DYNC1H1: variants seen among roughly 807,000 people sequenced by gnomAD.
The protein encoded by DYNC1H1 is dynein cytoplasmic 1 heavy chain 1, also known as cytoplasmic dynein 1 heavy chain 1.
In DYNC1H1, 51 loss-of-function variants were observed where a neutral mutation model predicts 527.1. That is an observed-to-expected ratio of 0.10 (90% CI 0.08 to 0.12). DYNC1H1 has a LOEUF of 0.12. Among genes scored for constraint, DYNC1H1 ranks in the 10% least tolerant of loss-of-function variants. The pLI is 1.00. For synonymous variants in DYNC1H1, 2,189 were observed against 2,278.8 expected, an observed-to-expected ratio of 0.96 and a Z score of 1.12; for missense variants, 2,771 against 5,971.8, an observed-to-expected ratio of 0.46 and a Z score of 17.66.
chr14:102,006,981 A>G, intron 27 of DYNC1H1, 27 bp from the exon 28 acceptor site: 2 of 1,608,836 alleles, frequency 1.2e-6, no homozygotes, highest in South Asian at 2.2e-5. Flanking sequence ...AATGGACTCA[A>G]GCACTCTGTT....
chr14:102,040,809 C>G, intron 64 of DYNC1H1, 136 bp downstream of exon 64: 1 of 1,084,684 alleles, frequency 9.2e-7, no homozygotes, highest in Non-Finnish European at 1.4e-6. Flanking sequence ...AAAATAAAAC[C>G]TTAGCCAGGC....
At position 102,027,560 on chromosome 14, in the gene DYNC1H1, G is replaced by A. The variant is rs1287980587; in HGVS notation, c.9048+16G>A. ...CAATGGAGAGGTAATTAGGTGACGT[G>A]TTGCGTTGCATTACGTGTTACCGGG... On this transcript the variant is annotated intron_variant, in intron 46 of 77. Coordinates refer to ENST00000360184, the MANE Select transcript of DYNC1H1 (RefSeq NM_001376.5). The surrounding 1 kb of genome is among the most constrained non-coding windows in gnomAD (Gnocchi z 7.7). The A allele has an allele frequency of 6.2e-7, 1 of 1,614,206 alleles. No homozygotes were observed. Among genetic ancestry groups the A allele is most frequent in the Non-Finnish European group, 8.5e-7 (1 of 1,180,026 alleles).
chr14:101,976,539 T>A (rs7160001), intron 2 of DYNC1H1, among the ~76,000 whole-genome samples: 23,705 of 150,244 alleles, frequency 0.16, 2,208 homozygotes, highest in African/African-American at 0.25. Flanking sequence ...CGAAACTCTG[T>A]CTCAAAAAAG....
chr14:102,042,347 C>A lies in DYNC1H1; in HGVS notation c.12276-37C>A, dbSNP rs762613552. The A allele has an allele frequency of 5.6e-6, 9 of 1,614,032 alleles. No individual in the cohort carries two copies. Among genetic ancestry groups the A allele is most frequent in the South Asian group, 1.1e-5 (1 of 91,080 alleles). On this transcript the variant is annotated intron_variant, in intron 67 of 77. Coordinates refer to ENST00000360184, the MANE Select transcript of DYNC1H1 (RefSeq NM_001376.5). The surrounding 1 kb of genome is among the most constrained non-coding windows in gnomAD (Gnocchi z 5.7). ...AGTCCCCAGGCATTCAGGCAGGCAG[C>A]CTGGCATGCTGTGTGACTCTCACTT... is the stretch of plus-strand genomic sequence containing the variant.
chr14:102,028,075 G>A lies in DYNC1H1; in HGVS notation c.9402G>A (p.Pro3134=), dbSNP rs145095254. Residue 3134 remains proline, a synonymous_variant, in exon 48 of 78, where the codon CCG becomes CCA. Coordinates refer to ENST00000360184, the MANE Select transcript of DYNC1H1 (RefSeq NM_001376.5). ...TGCCAGTTGTGTATGATAAGCTGCC[G>A]CAGCCACCATCCCATCGGGAAGCCA... ...DYMPVVYDKL[P]QPPSHREAIV... 4.4e-5 allele frequency: 71 copies of A among 1,614,172 alleles called. 1 individual carries two copies. In the African/African-American group the frequency reaches 6.3e-4, roughly 14 times the overall value.
chr14:102,034,244 G>A, intron 55 of DYNC1H1, 56 bp downstream of exon 55: 3 of 1,614,202 alleles, frequency 1.9e-6, no homozygotes, highest in Non-Finnish European at 2.5e-6. Context: ...GCAAGCTGGT[G>A]TTTAGTGCAC....
Position 102,036,296 on chromosome 14 carries a change from T to G in DYNC1H1, c.10755-193T>G, listed in dbSNP as rs1820846995. 2 of 635,426 alleles carry G rather than the reference T, an allele frequency of 3.1e-6. No individual in the cohort carries two copies. The highest frequency in any genetic ancestry group is 3.5e-5 in the South Asian group (2 of 56,822). The allele number at this position is 635,426 out of a possible 1,614,324, so 39.4% of individuals were successfully genotyped here. A position where few individuals can be genotyped will look rare whatever the true frequency, so the allele number is the denominator to read the frequency against. On this transcript the variant is annotated intron_variant, in intron 56 of 77. Coordinates refer to ENST00000360184, the MANE Select transcript of DYNC1H1 (RefSeq NM_001376.5). This position sits in a 1 kb window ranked among gnomAD's most constrained non-coding sequence, Gnocchi z 5.6. Reference sequence around the variant, plus strand: ...GCTACCTCCTCATGCCAATAGTTGTTCAAAAGGATGAGGTGATGTTAGCAT... The same window carrying G: ...GCTACCTCCTCATGCCAATAGTTGTGCAAAAGGATGAGGTGATGTTAGCAT...
At chr14:101,971,920 T>G (rs749447705) in intron 1 of DYNC1H1, among the ~76,000 whole-genome samples, 1 of 152,186 alleles carries the variant, frequency 6.6e-6, no homozygotes, top group Admixed American at 6.5e-5. Flanking sequence ...GTTGTTGTAA[T>G]GTGTGTCAGT....
rs1481406439 is a variant in DYNC1H1 at position 102,049,145 on chromosome 14, G to A, written c.13373-295G>A. 4.1e-6 allele frequency: 2 copies of A among 486,964 alleles called. No homozygotes were observed. The highest frequency in any genetic ancestry group is 7.5e-6 in the Non-Finnish European group (2 of 265,436). The allele number at this position is 486,964 out of a possible 1,614,324, so 30.2% of individuals were successfully genotyped here. On this transcript the variant is annotated intron_variant, in intron 74 of 77. Coordinates refer to ENST00000360184, the MANE Select transcript of DYNC1H1 (RefSeq NM_001376.5). The surrounding 1 kb of genome is among the most constrained non-coding windows in gnomAD (Gnocchi z 5.5). The stretch of plus-strand genomic sequence containing the variant: ...ACACTGAGCCACTTGTGTGACATGA[G>A]GTTTTAGCCGCGGTTTTGCTTGGAT...
rs538736432 is a variant in DYNC1H1, at chr14:101,994,189, T to C, written c.3021T>C (p.Gly1007=). The C allele has an allele frequency of 1.9e-6, 3 of 1,614,240 alleles. No individual in the cohort carries two copies. The highest frequency in any genetic ancestry group is 2.2e-5 in the East Asian group (1 of 44,888). The change falls in exon 12 of 78, where the codon GGT becomes GGC. Residue 1007 remains glycine, a synonymous_variant. Transcript: ENST00000360184. ...TTTCGGCTTTGGTTGGCTAGGTGGG[T>C]GTACATTACGAATTGACTGAGGAAG... The part of the protein sequence containing the change: ...PRIQSQRYQV[G]VHYELTEEEK...
rs1381034789 is a variant in DYNC1H1 at position 101,983,452 on chromosome 14, GA to G, written c.1305del (p.Asp436ThrfsTer11). The G allele has an allele frequency of 6.2e-7, 1 of 1,614,026 alleles. No individual in the cohort carries two copies. The highest frequency in any genetic ancestry group is 8.5e-7 in the Non-Finnish European group (1 of 1,180,040). On this transcript the variant is annotated frameshift_variant, in exon 7 of 78. Transcript: ENST00000360184. LOFTEE classifies it high-confidence loss of function. This position sits in a 1 kb window ranked among gnomAD's most constrained non-coding sequence, Gnocchi z 5.3. The stretch of plus-strand genomic sequence containing the variant: ...TATGAGAAACTTCAGGTATTGTTGA[GA>G]GACATCGTCAAAAGAAAAAGGGAAG... ...DEYEKLQVLL[R>X]DIVKRKREEN...
In DYNC1H1 at chr14:102,015,796, A is replaced by G; in HGVS notation, c.7243-60A>G. The G allele has an allele frequency of 4.4e-6, 7 of 1,576,884 alleles. No homozygotes were observed. The Middle Eastern group carries it at 6.7e-4, about 150-fold the overall frequency. ...GACCTTCTCCTGGGACCAGGTTAGA[A>G]TCGATGAAACTCGCCTGCCTTTTGA... On this transcript the variant is annotated intron_variant, in intron 35 of 77. Coordinates refer to ENST00000360184, the MANE Select transcript of DYNC1H1 (RefSeq NM_001376.5). This position sits in a 1 kb window ranked among gnomAD's most constrained non-coding sequence, Gnocchi z 6.9.
rs17512124 is a variant in DYNC1H1, at chr14:101,989,568, G to A, written c.2868+716G>A. 5.5e-3 allele frequency among the ~76,000 whole-genome samples: 837 copies of A among 152,316 alleles called. 16 individuals carry two copies. The highest frequency in any genetic ancestry group is 0.037 in the East Asian group (190 of 5,196). ...TACAGTAAGTGTTTATAGTATTTGT[G>A]TTATATTTACCAATAAAAAGGACTC... On this transcript the variant is annotated intron_variant, in intron 10 of 77. Transcript: ENST00000360184.
chr14:101,969,167 G>A (rs917858145), intron 1 of DYNC1H1, among the ~76,000 whole-genome samples: 12 of 150,606 alleles, frequency 8.0e-5, no homozygotes, highest in African/African-American at 2.7e-4. Context: ...ACAGGCGCCT[G>A]CCACCACACC....
rs557821714 is a variant in DYNC1H1 at position 101,966,367 on chromosome 14, T to C, written c.256+1420T>C. Reference sequence around the variant, plus strand: ...TAATGTTTTTGAGGGTTGTTTACTGTGATGTTTGGGATTATGTATTCCTAA... The same window carrying C: ...TAATGTTTTTGAGGGTTGTTTACTGCGATGTTTGGGATTATGTATTCCTAA... On this transcript the variant is annotated intron_variant, in intron 1 of 77. Coordinates refer to ENST00000360184, the MANE Select transcript of DYNC1H1 (RefSeq NM_001376.5). Among the ~76,000 whole-genome samples, 17 of 151,998 alleles carry C rather than the reference T, an allele frequency of 1.1e-4. No individual in the cohort carries two copies. In the South Asian group the frequency reaches 3.1e-3, roughly 28 times the overall value.
rs2048753799 is a variant in DYNC1H1, at chr14:102,048,210, G to A, written c.13218+182G>A. 3.7e-6 allele frequency: 3 copies of A among 807,710 alleles called. No individual in the cohort carries two copies. The South Asian group carries it at 5.2e-5, about 14-fold the overall frequency. The allele number at this position is 807,710 out of a possible 1,614,324, so 50.0% of individuals were successfully genotyped here. On this transcript the variant is annotated intron_variant, in intron 73 of 77. Coordinates refer to ENST00000360184, the MANE Select transcript of DYNC1H1 (RefSeq NM_001376.5). ...TTGGGCAAGATGAGTTGGCCCTTTT[G>A]AAATGGACTGAAAACACCCTAGAAG...
rs148565785 is a variant in DYNC1H1 at position 101,999,143 on chromosome 14, A to G, written c.3805-846A>G. Among the ~76,000 whole-genome samples, 791 of 151,638 alleles carry G rather than the reference A, an allele frequency of 5.2e-3. 4 individuals are homozygous for G. Among genetic ancestry groups the G allele is most frequent in the Non-Finnish European group, 7.5e-3 (506 of 67,918 alleles). ...ATGATCTGCCCACCTTGGCCTCCCAAAGTGCTGGGATTATAGGCGTGAGCC... is the reference window on the plus strand; with the variant it reads ...ATGATCTGCCCACCTTGGCCTCCCAGAGTGCTGGGATTATAGGCGTGAGCC... On this transcript the variant is annotated intron_variant, in intron 16 of 77. Transcript: ENST00000360184.
rs772223606 is a variant in DYNC1H1 at position 102,004,576 on chromosome 14, G to A, written c.4942G>A (p.Ala1648Thr). The change falls in exon 24 of 78, where the codon GCT becomes ACT. Residue 1648 changes from alanine (A) to threonine (T), a missense_variant. Ala to Thr is a moderately conservative substitution (Grantham distance 58, BLOSUM62 0). Around this residue, in one of 32 missense-constraint regions of DYNC1H1, gnomAD observed 51 missense variants for 189.2 expected, o/e 0.27. Transcript: ENST00000360184. ...LEIIGNSKNV[A>T]KLQKHFKKMF... is the part of the protein sequence containing the mutation. ...AATCATTGGAAACAGCAAGAATGTC[G>A]CTAAATTACAGAAACACTTCAAGAA... is the stretch of plus-strand genomic sequence containing the variant. The A allele has an allele frequency of 1.5e-5, 25 of 1,613,908 alleles. No individual in the cohort carries two copies. The highest frequency in any genetic ancestry group is 6.6e-5 in the South Asian group (6 of 91,062).
chr14:102,027,163 TAA>T lies in DYNC1H1; in HGVS notation c.8772-10_8772-9del. 1 of 1,613,418 alleles carries T rather than the reference TAA, an allele frequency of 6.2e-7. No homozygotes were observed. Among genetic ancestry groups the T allele is most frequent in the Non-Finnish European group, 8.5e-7 (1 of 1,179,340 alleles). ...AAGCCTTAACATTGATCAGTTCTCG[TAA>T]TGTTTCAGAATATTCCGTCAACCTC... is the stretch of plus-strand genomic sequence containing the variant. On this transcript the variant is annotated splice_polypyrimidine_tract_variant and intron_variant, in intron 44 of 77. Coordinates refer to ENST00000360184, the MANE Select transcript of DYNC1H1 (RefSeq NM_001376.5). The surrounding 1 kb of genome is among the most constrained non-coding windows in gnomAD (Gnocchi z 7.7).
Sources: gnomAD v4.1 joint callset for allele counts (sites outside exome capture counted in the v4.1 genomes callset) on GRCh38, gnomAD v4.1.1 for gene constraint, gnomAD v4.1.1 regional missense constraint, Gnocchi (gnomAD v3.1) non-coding constraint, MANE v1.5 for transcripts, NCBI Gene and HGNC (gene_info 2026-07-23, HGNC 2026-07-21) for gene names.